The following SHTN1 variants were observed in gnomAD, a reference collection of about 807,000 sequenced individuals.
SHTN1 encodes the protein shootin-1.
SHTN1 carries 42 observed loss-of-function variants against 83.1 expected under a neutral mutation model. That is an observed-to-expected ratio of 0.51 (90% CI 0.39 to 0.65). The LOEUF is 0.65. Ranked by LOEUF, SHTN1 falls within the 30% of genes least tolerant of loss-of-function variation. SHTN1 has a pLI of 0.00. For synonymous variants in SHTN1, 224 were observed against 247.7 expected (o/e 0.90, Z 0.90); for missense variants, 622 against 737.8 (o/e 0.84, Z 1.82).
intron 1 of SHTN1, among the ~76,000 whole-genome samples, chr10:116,997,052 A>C (rs572850875): frequency 2.0e-5 from 3 of 152,336 alleles, no homozygotes; most frequent in African/African-American, 7.2e-5. Context: ...GTCTGCCTAA[A>C]AGCAGGACAC....
chr10:116,949,943 C>T (rs575000202), intron 6 of SHTN1, among the ~76,000 whole-genome samples: 1 of 152,054 alleles, frequency 6.6e-6, no homozygotes, highest in Admixed American at 6.5e-5. Context: ...ATTTAGAAAG[C>T]AGGCATGTTT....
At chr10:116,988,533 T>C (rs1458981959) in intron 1 of SHTN1, among the ~76,000 whole-genome samples, 2 of 148,896 alleles carry the variant, frequency 1.3e-5, no homozygotes, top group Non-Finnish European at 3.0e-5. Context: ...TTTACTTATA[T>C]ATTATTTATT....
At chr10:116,919,058 A>G (rs561710192) in intron 12 of SHTN1, among the ~76,000 whole-genome samples, 1 of 152,370 alleles carries the variant, frequency 6.6e-6, no homozygotes, top group East Asian at 1.9e-4. Context: ...ATACCTTACC[A>G]ACTGTAAGTT....
At chr10:116,900,018 G>A (rs1421575009) in intron 16 of SHTN1, among the ~76,000 whole-genome samples, 1 of 152,186 alleles carries the variant, frequency 6.6e-6, no homozygotes, top group Non-Finnish European at 1.5e-5. Flanking sequence ...AATGAAGTGT[G>A]CCAGTCTGGG....
At chr10:117,102,621 G>C (rs72833457) in intron 1 of SHTN1, among the ~76,000 whole-genome samples, 1,575 of 152,020 alleles carry the variant, frequency 0.01, 5 homozygotes, top group Non-Finnish European at 0.017. Context: ...TCACCTCTCA[G>C]ATATTTTGGC....
chr10:117,070,559 T>C (rs1195964611), intron 1 of SHTN1, among the ~76,000 whole-genome samples: 1 of 152,036 alleles, frequency 6.6e-6, no homozygotes, highest in Admixed American at 6.6e-5. Flanking sequence ...ATTTATATTT[T>C]TCAAAGCTAT....
chr10:116,990,716 G>A (rs572725604), intron 1 of SHTN1, among the ~76,000 whole-genome samples: 2 of 152,020 alleles, frequency 1.3e-5, no homozygotes, highest in East Asian at 3.9e-4. Flanking sequence ...CACCCCATGG[G>A]CAGCTTTTGT....
At chr10:117,038,320 A>G (rs1161150876) in intron 2 of SHTN1, among the ~76,000 whole-genome samples, 1 of 135,436 alleles carries the variant, frequency 7.4e-6, no homozygotes, top group African/African-American at 2.8e-5. Context: ...TTTTTTTTTT[A>G]GTAGTGTTGA....
chr10:116,955,869 T>C (rs1849962730), intron 4 of SHTN1, among the ~76,000 whole-genome samples: 1 of 152,188 alleles, frequency 6.6e-6, no homozygotes, highest in Non-Finnish European at 1.5e-5. Context: ...AGCTTCTGTC[T>C]GCACACATTA....
Position 116,885,794 on chromosome 10 carries a change from C to T in SHTN1, c.*550G>A, listed in dbSNP as rs1486973356. The T allele has an allele frequency of 1.3e-5, 2 of 154,062 alleles. No homozygotes were observed. Among genetic ancestry groups the T allele is most frequent in the African/African-American group, 2.4e-5 (1 of 41,386 alleles). The allele number at this position is 154,062 out of a possible 1,614,324, so 9.5% of individuals were successfully genotyped here. On this transcript the variant is annotated 3_prime_UTR_variant, in exon 17 of 17. Transcript: ENST00000355371. ...GTAATTAACACTGACTATGGGACTA[C>T]GAGTTTGATGCCAGCTCCTGAGTTT...
intron 1 of SHTN1, among the ~76,000 whole-genome samples, chr10:117,093,996 A>G (rs1853470840): frequency 6.6e-6 from 1 of 152,170 alleles, no homozygotes; most frequent in Admixed American, 6.5e-5. Flanking sequence ...ATTTTTGAGA[A>G]ACAAATTTGA....
intron 1 of SHTN1, among the ~76,000 whole-genome samples, chr10:116,991,644 A>G (rs1851440214): frequency 6.6e-6 from 1 of 152,156 alleles, no homozygotes; most frequent in Non-Finnish European, 1.5e-5. Flanking sequence ...CTAGGAGGAC[A>G]AAAGCACCAG....
chr10:117,114,921 G>A (rs2133641801), intron 1 of SHTN1, among the ~76,000 whole-genome samples: 1 of 152,290 alleles, frequency 6.6e-6, no homozygotes, highest in South Asian at 2.1e-4. Flanking sequence ...CTGGGGTCAG[G>A]AGGACCGGGT....
intron 10 of SHTN1, among the ~76,000 whole-genome samples, chr10:116,928,315 C>T (rs530428115): frequency 6.6e-6 from 1 of 152,278 alleles, no homozygotes; most frequent in South Asian, 2.1e-4. Flanking sequence ...CTGCATACTT[C>T]TCTCCCCTGC....
intron 3 of SHTN1, among the ~76,000 whole-genome samples, chr10:116,966,532 T>C (rs976660638): frequency 2.0e-5 from 3 of 152,134 alleles, no homozygotes; most frequent in African/African-American, 7.2e-5. Flanking sequence ...GAGTTGCTCA[T>C]AAGGAAAAAT....
intron 3 of SHTN1, among the ~76,000 whole-genome samples, chr10:116,962,588 T>C (rs2133444666): frequency 6.6e-6 from 1 of 152,262 alleles, no homozygotes; most frequent in African/African-American, 2.4e-5. Context: ...AGTAAGAAAA[T>C]TCATTCCACA....
intron 14 of SHTN1, among the ~76,000 whole-genome samples, chr10:116,910,348 G>C (rs754020971): frequency 1.3e-5 from 2 of 152,130 alleles, no homozygotes; most frequent in Non-Finnish European, 2.9e-5. Context: ...TAGATCCAAG[G>C]CAAGAAGGAT....
Position 117,100,046 on chromosome 10 carries a change from A to T in SHTN1, c.-189+26261T>A, listed in dbSNP as rs570494653. Among the ~76,000 whole-genome samples the T allele has an allele frequency of 2.0e-5, 3 of 152,238 alleles. No homozygotes were observed. The Middle Eastern group carries it at 0.01, about 518-fold the overall frequency. On this transcript the variant is annotated intron_variant, in intron 1 of 17. Transcript: ENST00000392901. Reference sequence around the variant, plus strand: ...TATAAAATTAGCCAGGCATGGTGGTACATGCCTGTAATCTCAGCTACTAGG... The same window carrying T: ...TATAAAATTAGCCAGGCATGGTGGTTCATGCCTGTAATCTCAGCTACTAGG...
At chr10:117,006,473 G>A (rs1303590675), upstream of SHTN1, among the ~76,000 whole-genome samples, 1 of 150,722 alleles carries the variant, frequency 6.6e-6, no homozygotes, top group Non-Finnish European at 1.5e-5. Flanking sequence ...AGCTGAGGCA[G>A]GAGAATGGCG....
Sources: allele counts gnomAD v4.1 joint callset (sites outside exome capture counted in the v4.1 genomes callset), GRCh38; gene constraint gnomAD v4.1.1; transcripts MANE v1.5; gene names NCBI Gene and HGNC (gene_info 2026-07-23, HGNC 2026-07-21).